Variants in NCALD observed in about 807,000 individuals in gnomAD.
The protein encoded by NCALD is neurocalcin delta.
NCALD carries 10 observed loss-of-function variants against 18.6 expected under a neutral mutation model. The observed-to-expected ratio is 0.54, with a 90% CI of 0.33 to 0.91. NCALD has a LOEUF of 0.91. Ranked by LOEUF, NCALD falls within the 40% of genes least tolerant of loss-of-function variation. The pLI is 0.03. For missense variants in NCALD, 184 were observed against 247.6 expected, an observed-to-expected ratio of 0.74 and a Z score of 1.72; for synonymous variants, 88 against 87.4, an observed-to-expected ratio of 1.01 and a Z score of -0.04.
chr8:102,011,143 T>C (rs138892145), intron 2 of NCALD, among the ~76,000 whole-genome samples: 1 of 152,320 alleles, frequency 6.6e-6, no homozygotes, highest in Non-Finnish European at 1.5e-5. Context: ...GAGTCCTCTT[T>C]GACTTCTACC....
At chr8:101,893,983 G>A (rs1202793029) in intron 3 of NCALD, among the ~76,000 whole-genome samples, 1 of 146,728 alleles carries the variant, frequency 6.8e-6, no homozygotes, top group Admixed American at 6.7e-5. Context: ...AGGATACCCA[G>A]GAATTGAACT....
At chr8:101,921,467 T>A (rs925277957) in intron 2 of NCALD, among the ~76,000 whole-genome samples, 1 of 152,156 alleles carries the variant, frequency 6.6e-6, no homozygotes, top group African/African-American at 2.4e-5. Flanking sequence ...TACCAATTTC[T>A]GTATATTTGG....
chr8:101,795,223 T>A (rs548284801), upstream of NCALD, among the ~76,000 whole-genome samples: 12 of 152,284 alleles, frequency 7.9e-5, no homozygotes, highest in African/African-American at 2.9e-4. Context: ...AGATATATAT[T>A]TTTAATGGCT....
intron 3 of NCALD, among the ~76,000 whole-genome samples, chr8:101,908,062 T>G (rs935757881): frequency 6.6e-6 from 1 of 152,130 alleles, no homozygotes; most frequent in Admixed American, 6.5e-5. Context: ...AGATCAATCT[T>G]GTAAACAGCA....
At chr8:101,910,322 A>T (rs75091999) in intron 3 of NCALD, among the ~76,000 whole-genome samples, 4,459 of 140,226 alleles carry the variant, frequency 0.032, 193 homozygotes, top group African/African-American at 0.12. Context: ...TTGATCCGAC[A>T]TGAGAGGAGG....
chr8:101,748,530 A>G (rs1586389837), intron 1 of NCALD, among the ~76,000 whole-genome samples: 1 of 152,038 alleles, frequency 6.6e-6, no homozygotes, highest in South Asian at 2.1e-4. Context: ...TCTGCCTCCC[A>G]CCCTGCCCAT....
At chr8:101,955,483 G>A (rs1361016892) in intron 2 of NCALD, among the ~76,000 whole-genome samples, 1 of 152,136 alleles carries the variant, frequency 6.6e-6, no homozygotes, top group Non-Finnish European at 1.5e-5. Context: ...GACATCTGGG[G>A]TCTAAAATGT....
chr8:102,031,570 C>A (rs1202744877), intron 1 of NCALD, among the ~76,000 whole-genome samples: 1 of 152,036 alleles, frequency 6.6e-6, no homozygotes, highest in Non-Finnish European at 1.5e-5. Context: ...GAGGTTATAT[C>A]TGTGTTTTAT....
At chr8:101,912,014 A>T (rs759723648) in intron 3 of NCALD, among the ~76,000 whole-genome samples, 4 of 152,240 alleles carry the variant, frequency 2.6e-5, no homozygotes, top group Non-Finnish European at 5.9e-5. Context: ...GGAAAAATAT[A>T]CATTTTTGAG....
chr8:101,777,885 C>G (rs1377862001), intron 1 of NCALD, among the ~76,000 whole-genome samples: 2 of 152,024 alleles, frequency 1.3e-5, no homozygotes, highest in East Asian at 3.9e-4. Flanking sequence ...TTGGATTGAG[C>G]CAACAAAAAC....
At chr8:101,953,273 C>T (rs888089877) in intron 2 of NCALD, among the ~76,000 whole-genome samples, 1 of 152,184 alleles carries the variant, frequency 6.6e-6, no homozygotes, top group Admixed American at 6.5e-5. Flanking sequence ...TCTCTCATTG[C>T]TGGTGCTTCC....
At chr8:102,009,070 G>A (rs577634965) in intron 2 of NCALD, among the ~76,000 whole-genome samples, 2 of 152,234 alleles carry the variant, frequency 1.3e-5, no homozygotes, top group Admixed American at 6.5e-5. Context: ...AAAAATATCT[G>A]TCTCTCTGCC....
Position 101,842,362 on chromosome 8 carries a change from G to A in NCALD, c.-20+44779C>T, listed in dbSNP as rs191170816. Among the ~76,000 whole-genome samples the A allele has an allele frequency of 1.5e-3, 235 of 152,252 alleles. 2 individuals carry two copies. Among genetic ancestry groups the A allele is most frequent in the Non-Finnish European group, 2.0e-3 (139 of 68,016 alleles). ...AAAAAAGGAAAAAAAAACAAGAAGA[G>A]GAAGAAAGGGAGAATGGGATGCATC... On this transcript the variant is annotated intron_variant, in intron 4 of 6. Coordinates refer to the NCALD transcript ENST00000311028.
intron 2 of NCALD, among the ~76,000 whole-genome samples, chr8:101,978,152 G>A (rs576608541): frequency 2.7e-5 from 4 of 148,570 alleles, no homozygotes; most frequent in African/African-American, 9.8e-5. Flanking sequence ...GTCACACTAC[G>A]CAGGCTGATT....
intron 4 of NCALD, among the ~76,000 whole-genome samples, chr8:101,858,480 C>G (rs1450581660): frequency 6.6e-6 from 1 of 152,130 alleles, no homozygotes; most frequent in Non-Finnish European, 1.5e-5. Context: ...AACTTCCTCC[C>G]CTATCCCAGC....
intron 1 of NCALD, among the ~76,000 whole-genome samples, chr8:102,024,187 A>G (rs1268567316): frequency 6.6e-6 from 1 of 152,226 alleles, no homozygotes; most frequent in Non-Finnish European, 1.5e-5. Flanking sequence ...ACAACCCACA[A>G]TATAAACATA....
chr8:101,885,625 C>G (rs1001461065), intron 4 of NCALD, among the ~76,000 whole-genome samples: 1 of 152,174 alleles, frequency 6.6e-6, no homozygotes, highest in African/African-American at 2.4e-5. Flanking sequence ...TCGCAGTCTC[C>G]CTTTGCTCCA....
chr8:101,774,103 G>C (rs77513317), intron 1 of NCALD, among the ~76,000 whole-genome samples: 5,568 of 152,252 alleles, frequency 0.037, 335 homozygotes, highest in African/African-American at 0.13. Flanking sequence ...TAGGGATCTA[G>C]AATGGAATTC....
chr8:101,765,713 A>G (rs1380824383), intron 1 of NCALD, among the ~76,000 whole-genome samples: 1 of 152,166 alleles, frequency 6.6e-6, no homozygotes, highest in Non-Finnish European at 1.5e-5. Context: ...CGCAACAGCG[A>G]GCAGGTCAAG....
Sources: allele counts gnomAD v4.1 joint callset (sites outside exome capture counted in the v4.1 genomes callset), GRCh38; gene constraint gnomAD v4.1.1; transcripts MANE v1.5; gene names NCBI Gene and HGNC (gene_info 2026-07-23, HGNC 2026-07-21).